Variants in NUP210L observed in about 807,000 individuals in gnomAD.
The protein encoded by NUP210L is nuclear pore membrane glycoprotein 210-like.
A neutral mutation model predicts 208.5 loss-of-function variants in NUP210L; 74 were observed. The observed-to-expected ratio is 0.35, with a 90% CI of 0.29 to 0.43. The LOEUF (loss-of-function observed/expected upper bound fraction) is 0.43. Ranked by LOEUF, NUP210L falls within the 20% of genes least tolerant of loss-of-function variation. The pLI is 1.00. For synonymous variants in NUP210L, 780 were observed against 816.9 expected (o/e 0.95, Z 0.77); for missense variants, 1,843 against 2,289.4 (o/e 0.81, Z 3.98).
chr1:154,001,166 T>A lies in NUP210L; in HGVS notation c.5182-106A>T, dbSNP rs1650188688. On this transcript the variant is annotated intron_variant, in intron 36 of 39. Coordinates refer to ENST00000368559, the Ensembl canonical transcript of NUP210L. Reference sequence around the variant, plus strand: ...AGTACAATAATTGTCAAGATCTGGATTTCTAGCTAGCTAGCCGACAATCAA... The same window carrying A: ...AGTACAATAATTGTCAAGATCTGGAATTCTAGCTAGCTAGCCGACAATCAA... 3.3e-6 allele frequency: 3 copies of A among 917,688 alleles called. No homozygotes were observed. The East Asian group carries it at 7.7e-5, about 23-fold the overall frequency. The allele number at this position is 917,688 out of a possible 1,614,324, so 56.8% of individuals were successfully genotyped here.
At chr1:154,049,243 C>T (rs1397861015) in intron 25 of NUP210L, among the ~76,000 whole-genome samples, 1 of 152,110 alleles carries the variant, frequency 6.6e-6, no homozygotes, top group Non-Finnish European at 1.5e-5. Flanking sequence ...ACTATTCAAC[C>T]AATTATAACT....
exon 7 of NUP210L, chr1:154,135,965 T>C (rs1658522878): frequency 6.2e-7 from 1 of 1,600,236 alleles, no homozygotes; most frequent in Admixed American, 1.7e-5. Context: ...CCAGGGGAAA[T>C]TTCACCTCTG....
rs756230686 is a variant in NUP210L, at chr1:154,117,866, A to G, written c.1479T>C (p.Ser493=). The stretch of plus-strand genomic sequence containing the variant: ...TAGAAGAAGTCCAGGTAAAGTTGCC[A>G]CTGCCACCCTCTACCTGTGAAAACA... The change falls in exon 12 of 40, where the codon AGT becomes AGC. Residue 493 remains serine (S), a synonymous_variant. Coordinates refer to ENST00000368559, the Ensembl canonical transcript of NUP210L. 8 of 1,610,728 alleles carry G rather than the reference A, an allele frequency of 5.0e-6. No homozygotes were observed. In the Admixed American group the frequency reaches 1.2e-4, roughly 24 times the overall value.
chr1:154,099,363 G>A (rs1003596563), intron 14 of NUP210L, among the ~76,000 whole-genome samples: 5 of 152,158 alleles, frequency 3.3e-5, no homozygotes, highest in South Asian at 2.1e-4. Context: ...CCCACTTGGC[G>A]TCGGTTCCAA....
At chr1:154,003,614 T>G (rs1364927705) in intron 35 of NUP210L, among the ~76,000 whole-genome samples, 1 of 152,110 alleles carries the variant, frequency 6.6e-6, no homozygotes, top group Non-Finnish European at 1.5e-5. Context: ...GCAATCTTCC[T>G]GCCTCAGAGC....
At chr1:154,112,922 C>G (rs944927431) in intron 12 of NUP210L, among the ~76,000 whole-genome samples, 3 of 149,730 alleles carry the variant, frequency 2.0e-5, no homozygotes, top group African/African-American at 7.4e-5. Context: ...TTTGGGAGGA[C>G]AAAGCAGGTG....
intron 7 of NUP210L, among the ~76,000 whole-genome samples, chr1:154,134,675 T>G (rs1658433585): frequency 8.1e-6 from 1 of 123,718 alleles, no homozygotes; most frequent in South Asian, 2.8e-4. Flanking sequence ...GGGCGGAGCC[T>G]GCAGTGAGCC....
At chr1:154,114,787 G>C (rs984481377) in intron 12 of NUP210L, among the ~76,000 whole-genome samples, 2 of 150,528 alleles carry the variant, frequency 1.3e-5, no homozygotes, top group African/African-American at 2.4e-5. Flanking sequence ...ATGGGGGGGG[G>C]GGTCTTGCTT....
At chr1:154,036,091 A>G (rs1259691450) in intron 27 of NUP210L, among the ~76,000 whole-genome samples, 1 of 151,250 alleles carries the variant, frequency 6.6e-6, no homozygotes, top group South Asian at 2.1e-4. Context: ...TTGTGTTTCC[A>G]TTTTCATTTG....
rs764344487 is a variant in NUP210L at position 154,118,656 on chromosome 1, T to G, written c.1464+15A>C. On this transcript the variant is annotated intron_variant, in intron 11 of 39. Transcript: ENST00000368559. ...ACCGGCTTATCTCCTTGTGAAGCCTTATAGGACACCATACCTGTACTTTAT... is the reference window on the plus strand; with the variant it reads ...ACCGGCTTATCTCCTTGTGAAGCCTGATAGGACACCATACCTGTACTTTAT... 1.3e-6 allele frequency: 2 copies of G among 1,509,364 alleles called. No homozygotes were observed. The highest frequency in any genetic ancestry group is 2.8e-5 in the South Asian group (2 of 70,814). 93.5% of individuals were successfully genotyped at this position (1,509,364 alleles called of 1,614,324 possible). A position where few individuals can be genotyped will look rare whatever the true frequency, so the allele number is the denominator to read the frequency against.
intron 10 of NUP210L, among the ~76,000 whole-genome samples, chr1:154,121,117 T>C (rs1309384549): frequency 6.6e-6 from 1 of 152,064 alleles, no homozygotes; most frequent in African/African-American, 2.4e-5. Context: ...CCCCACACTA[T>C]CCAGCACATT....
intron 16 of NUP210L, among the ~76,000 whole-genome samples, chr1:154,083,195 G>A (rs1655443035): frequency 6.6e-6 from 1 of 152,114 alleles, no homozygotes; most frequent in Non-Finnish European, 1.5e-5. Flanking sequence ...CCTGCTGATT[G>A]GTCCATTTTA....
At chr1:154,083,974 T>A (rs971005486) in intron 16 of NUP210L, among the ~76,000 whole-genome samples, 56 of 151,848 alleles carry the variant, frequency 3.7e-4, no homozygotes, top group African/African-American at 1.4e-3. Flanking sequence ...ACCAGTGCAA[T>A]TTAGAGATGG....
At position 154,109,336 on chromosome 1, in the gene NUP210L, G is replaced by T. The variant is rs1001708375; in HGVS notation, c.1621-5126C>A. 7.9e-5 allele frequency among the ~76,000 whole-genome samples: 12 copies of T among 151,576 alleles called. 1 individual carries two copies. The highest frequency in any genetic ancestry group is 2.9e-4 in the African/African-American group (12 of 40,962). ...TGATAAAGGGGTCAATTCAGCAAGA[G>T]GATATAACAATCATAAATATATATA... On this transcript the variant is annotated intron_variant, in intron 12 of 39. Coordinates refer to ENST00000368559, the Ensembl canonical transcript of NUP210L.
intron 6 of NUP210L, among the ~76,000 whole-genome samples, chr1:154,136,788 C>T (rs369783784): frequency 4.0e-5 from 6 of 150,926 alleles, no homozygotes; most frequent in Non-Finnish European, 8.9e-5. Flanking sequence ...GGCGTAGTGG[C>T]GGGCTCCTGT....
chr1:154,033,016 AG>A (rs1652345798), intron 27 of NUP210L, among the ~76,000 whole-genome samples: 1 of 151,926 alleles, frequency 6.6e-6, no homozygotes, highest in Admixed American at 6.6e-5. Flanking sequence ...AAAGAAAGAA[AG>A]AAAAAGAAGG....
At chr1:154,105,027 C>T (rs943895702) in intron 12 of NUP210L, among the ~76,000 whole-genome samples, 1 of 152,098 alleles carries the variant, frequency 6.6e-6, no homozygotes, top group Non-Finnish European at 1.5e-5. Context: ...TTTTGCAACT[C>T]GGATAATAGC....
chr1:154,075,569 C>T (rs972102829), intron 16 of NUP210L, among the ~76,000 whole-genome samples: 2 of 151,920 alleles, frequency 1.3e-5, no homozygotes, highest in African/African-American at 4.8e-5. Flanking sequence ...AATAAATGTT[C>T]TCAGCAAAAA....
chr1:154,088,452 T>C (rs1394790358), intron 16 of NUP210L, among the ~76,000 whole-genome samples: 1 of 152,174 alleles, frequency 6.6e-6, no homozygotes, highest in Non-Finnish European at 1.5e-5. Flanking sequence ...GCCTGTAAAT[T>C]TGAATTATTT....
Sources: allele counts gnomAD v4.1 joint callset (sites outside exome capture counted in the v4.1 genomes callset), GRCh38; gene constraint gnomAD v4.1.1; transcripts MANE v1.5; gene names NCBI Gene and HGNC (gene_info 2026-07-23, HGNC 2026-07-21).